Variants in KDM4C observed in about 807,000 individuals in gnomAD.
KDM4C encodes the protein lysine demethylase 4C, also known as lysine-specific demethylase 4C.
Under a neutral mutation model 129.3 loss-of-function variants are expected in KDM4C, and 81 were observed. That is an observed-to-expected ratio of 0.63 (90% CI 0.52 to 0.75). KDM4C has a LOEUF of 0.75. KDM4C is among the 30% of genes least tolerant of loss of function. The probability of loss-of-function intolerance (pLI) is 0.00; values close to 1 mark genes in which losing one functional copy is unlikely to be tolerated. For synonymous variants in KDM4C, 573 were observed against 456.1 expected (o/e 1.26, Z -3.26); for missense variants, 1,457 against 1,304.0 (o/e 1.12, Z -1.81).
intron 15 of KDM4C, among the ~76,000 whole-genome samples, chr9:7,043,791 A>T (rs1217092824): frequency 1.3e-5 from 2 of 151,910 alleles, no homozygotes; most frequent in Non-Finnish European, 2.9e-5. Flanking sequence ...AAGAAATAAG[A>T]TTTCTTAAGT....
chr9:6,803,073 A>G (rs947682348), intron 2 of KDM4C, among the ~76,000 whole-genome samples: 2 of 151,982 alleles, frequency 1.3e-5, no homozygotes, highest in African/African-American at 4.8e-5. Context: ...TGCCATAAAC[A>G]CCGTAATTGT....
Position 7,131,961 on chromosome 9 carries a change from A to G in KDM4C, c.2781+3725A>G, listed in dbSNP as rs553540329. ...GTCCAAAAACTCTCTAATCCACACAATGTGCATATCAGATGTGAGTGCCAC... is the reference window on the plus strand; with the variant it reads ...GTCCAAAAACTCTCTAATCCACACAGTGTGCATATCAGATGTGAGTGCCAC... On this transcript the variant is annotated intron_variant, in intron 19 of 21. Coordinates refer to ENST00000381309, the MANE Select transcript of KDM4C (RefSeq NM_015061.6). 6.6e-5 allele frequency among the ~76,000 whole-genome samples: 10 copies of G among 152,312 alleles called. No homozygotes were observed. In the South Asian group the frequency reaches 2.1e-3, roughly 32 times the overall value.
rs193249970 is a variant in KDM4C, at chr9:7,156,727, C to T, written c.2782-8511C>T. Among the ~76,000 whole-genome samples, 1,111 of 152,260 alleles carry T rather than the reference C, an allele frequency of 7.3e-3. 11 individuals carry two copies. Among genetic ancestry groups the T allele is most frequent in the African/African-American group, 0.025 (1,050 of 41,546 alleles). On this transcript the variant is annotated intron_variant, in intron 19 of 21. Transcript: ENST00000381309. The stretch of plus-strand genomic sequence containing the variant: ...ATTGGTCTATATCTCTGTTTTGGTA[C>T]CAGTACCATGCTGTTTTGGTTACTG...
At position 7,091,845 on chromosome 9, in the gene KDM4C, G is replaced by A. The variant is rs150071754; in HGVS notation, c.2425-11840G>A. On this transcript the variant is annotated intron_variant, in intron 17 of 21. Coordinates refer to ENST00000381309, the MANE Select transcript of KDM4C (RefSeq NM_015061.6). ...GAGGCAGGCCTGACCAGGGAACCTG[G>A]TAGAGATTAGATTGAGAAGAAGGAA... is the stretch of plus-strand genomic sequence containing the variant. 6.7e-3 allele frequency among the ~76,000 whole-genome samples: 1,019 copies of A among 152,340 alleles called. 16 individuals carry two copies. The highest frequency in any genetic ancestry group is 0.023 in the African/African-American group (973 of 41,576).
At chr9:6,978,430 G>T (rs1333854977) in intron 8 of KDM4C, among the ~76,000 whole-genome samples, 2 of 152,236 alleles carry the variant, frequency 1.3e-5, no homozygotes, top group East Asian at 1.9e-4. Flanking sequence ...TTTAGTATAG[G>T]TGGGTTTTCT....
intron 12 of KDM4C, among the ~76,000 whole-genome samples, chr9:7,001,122 T>G (rs961648614): frequency 6.6e-6 from 1 of 152,214 alleles, no homozygotes; most frequent in African/African-American, 2.4e-5. Context: ...CTTTTCCCTT[T>G]TGGAGGTGTT....
chr9:7,077,738 G>T (rs1191958879), intron 17 of KDM4C, among the ~76,000 whole-genome samples: 2 of 152,154 alleles, frequency 1.3e-5, no homozygotes, highest in Non-Finnish European at 2.9e-5. Flanking sequence ...CACAATGTAA[G>T]TCAGCCCATC....
At chr9:6,834,043 C>CTTTTTTTTTTTTT (rs71487860) in intron 4 of KDM4C, among the ~76,000 whole-genome samples, 12,290 of 107,956 alleles carry the variant, frequency 0.11, 1,732 homozygotes, top group East Asian at 0.22. Flanking sequence ...AAGAGATAGT[C>CTTTTTTTTTTTTT]TTTTTTTTTT....
chr9:7,151,336 A>C (rs1214865040), intron 19 of KDM4C, among the ~76,000 whole-genome samples: 1 of 152,026 alleles, frequency 6.6e-6, no homozygotes, highest in East Asian at 1.9e-4. Context: ...GATGGGCTTC[A>C]TTTCAGCTTA....
intron 17 of KDM4C, chr9:7,076,634 C>T (rs1833952568): frequency 7.4e-7 from 1 of 1,343,302 alleles, no homozygotes; most frequent in Non-Finnish European, 9.5e-7. Context: ...TGAGTCAGAC[C>T]CTGGACTTTC....
At chr9:6,730,119 A>G (rs971383874) in intron 1 of KDM4C, among the ~76,000 whole-genome samples, 8 of 121,132 alleles carry the variant, frequency 6.6e-5, no homozygotes, top group African/African-American at 1.3e-4. Context: ...TAAAAAAAAG[A>G]AAAAAAAAAA....
intron 17 of KDM4C, among the ~76,000 whole-genome samples, chr9:7,071,821 G>C (rs1833236450): frequency 6.6e-6 from 1 of 152,058 alleles, no homozygotes; most frequent in Non-Finnish European, 1.5e-5. Context: ...CACTTTTTGA[G>C]TCTACGGCCA....
At chr9:7,053,313 A>T (rs1830462146) in intron 17 of KDM4C, among the ~76,000 whole-genome samples, 1 of 152,218 alleles carries the variant, frequency 6.6e-6, no homozygotes, top group African/African-American at 2.4e-5. Context: ...CTCCTCTGGT[A>T]AATTATTCGT....
chr9:6,953,926 C>T (rs12684647), intron 8 of KDM4C, among the ~76,000 whole-genome samples: 34 of 152,088 alleles, frequency 2.2e-4, no homozygotes, highest in Non-Finnish European at 4.0e-4. Flanking sequence ...TCCAAAGTCA[C>T]CACATACCTA....
intron 1 of KDM4C, among the ~76,000 whole-genome samples, chr9:6,764,773 T>A (rs575341313): frequency 9.2e-5 from 14 of 152,244 alleles, no homozygotes; most frequent in Middle Eastern, 3.2e-3. Context: ...CATCAAAGCC[T>A]TTGTGCTAAT....
chr9:7,133,944 G>A (rs1472788160), intron 19 of KDM4C, among the ~76,000 whole-genome samples: 2 of 152,186 alleles, frequency 1.3e-5, no homozygotes, highest in East Asian at 3.8e-4. Context: ...AGGTCAGGTA[G>A]CCATGCATAT....
rs199961147 is a variant in KDM4C at position 7,013,744 on chromosome 9, C to G, written c.1969-44C>G. The G allele has an allele frequency of 1.1e-3, 1,674 of 1,582,736 alleles. 3 individuals are homozygous for G. The highest frequency in any genetic ancestry group is 1.2e-3 in the Admixed American group (74 of 59,216). ...ATTTGAGTGACTAGAATGATGAGCT[C>G]TTTTCCATGTTTTTCACTCATGTGG... On this transcript the variant is annotated intron_variant, in intron 13 of 21. Coordinates refer to ENST00000381309, the MANE Select transcript of KDM4C (RefSeq NM_015061.6).
In KDM4C at chr9:7,161,470, T is replaced by C. The variant is rs111248772; in HGVS notation, c.2782-3768T>C. Among the ~76,000 whole-genome samples the C allele has an allele frequency of 3.4e-3, 518 of 152,340 alleles. 3 individuals are homozygous for C. The highest frequency in any genetic ancestry group is 0.012 in the African/African-American group (484 of 41,576). On this transcript the variant is annotated intron_variant, in intron 19 of 21. Transcript: ENST00000381309. ...CCTATTTGGCCATCTTCCAGACCTT[T>C]TATTTTTAAAAGAAACTTCTCTACC...
intron 5 of KDM4C, among the ~76,000 whole-genome samples, chr9:6,866,870 T>A (rs1842063046): frequency 6.7e-6 from 1 of 148,980 alleles, no homozygotes; most frequent in African/African-American, 2.5e-5. Context: ...TCTAGGAAAT[T>A]GCTGGTGATG....
Sources: gnomAD v4.1 joint callset for allele counts (sites outside exome capture counted in the v4.1 genomes callset) on GRCh38, gnomAD v4.1.1 for gene constraint, MANE v1.5 for transcripts, NCBI Gene and HGNC (gene_info 2026-07-23, HGNC 2026-07-21) for gene names.